The following KIF9 variants were observed in gnomAD, a reference collection of about 807,000 sequenced individuals.
The protein encoded by KIF9 is kinesin family member 9, also known as kinesin-like protein KIF9.
A neutral mutation model predicts 94.8 loss-of-function variants in KIF9; 68 were observed. That is an observed-to-expected ratio of 0.72 (90% confidence interval 0.59 to 0.88). The LOEUF (loss-of-function observed/expected upper bound fraction) is 0.88. Ranked by LOEUF, KIF9 falls within the 40% of genes least tolerant of loss-of-function variation. The pLI is 0.00. For synonymous variants in KIF9, 343 were observed against 362.1 expected, an observed-to-expected ratio of 0.95 and a Z score of 0.60; for missense variants, 882 against 982.5, an observed-to-expected ratio of 0.90 and a Z score of 1.37.
chr3:47,276,503 C>T (rs1272328760), intron 2 of KIF9, among the ~76,000 whole-genome samples: 1 of 150,674 alleles, frequency 6.6e-6, no homozygotes, highest in Non-Finnish European at 1.5e-5. Flanking sequence ...TTGCAGTGAG[C>T]CAAGATTGTG....
intron 10 of KIF9, among the ~76,000 whole-genome samples, chr3:47,251,892 A>G (rs551580473): frequency 6.6e-6 from 1 of 152,220 alleles, no homozygotes; most frequent in Non-Finnish European, 1.5e-5. Flanking sequence ...TGGGAGGGTC[A>G]CTGCAGGTTA....
rs906090827 is a variant in KIF9 at position 47,273,562 on chromosome 3, G to A, written c.356C>T (p.Ala119Val). Residue 119 changes from alanine (A) to valine (V), a missense_variant, in exon 4 of 21, where the codon GCC becomes GTC. Coordinates refer to ENST00000684063, the MANE Select transcript of KIF9 (RefSeq NM_182902.4). The stretch of plus-strand genomic sequence containing the variant: ...GGGCCCACTCTCTACCTGCTGCAGG[G>A]CACGAGGGAGGATCCCCCGGTGCTT... ...NYKHRGILPR[A>V]LQQVFRMIEE... is the part of the protein sequence containing the mutation. 1.2e-6 allele frequency: 2 copies of A among 1,604,856 alleles called. No homozygotes were observed. The highest frequency in any genetic ancestry group is 1.7e-6 in the Non-Finnish European group (2 of 1,175,130).
rs757162512 is a variant in KIF9 at position 47,273,615 on chromosome 3, G to A, written c.303C>T (p.Tyr101=). 6.2e-7 allele frequency: 1 copy of A among 1,614,110 alleles called. No individual in the cohort carries two copies. The highest frequency in any genetic ancestry group is 8.5e-7 in the Non-Finnish European group (1 of 1,179,972). The part of the protein sequence containing the change: ...CYGQTGAGKT[Y]TMMGATENYK... Reference sequence around the variant, plus strand: ...AATTCTCAGTTGCCCCCATCATGGTGTATGTCTTGCCAGCTCCCGTCTGCC... The same window carrying A: ...AATTCTCAGTTGCCCCCATCATGGTATATGTCTTGCCAGCTCCCGTCTGCC... The change falls in exon 4 of 21, where the codon TAC becomes TAT. Residue 101 remains tyrosine, a synonymous_variant. Transcript: ENST00000684063.
intron 8 of KIF9, 88 bp from the exon 9 acceptor site, chr3:47,264,438 T>A (rs1701171793): frequency 1.9e-6 from 2 of 1,030,400 alleles, no homozygotes; most frequent in Middle Eastern, 2.1e-4. Context: ...TACTGAATGC[T>A]TTTTATTTGT....
In KIF9 at chr3:47,236,502, C is replaced by T; in HGVS notation, c.2042G>A (p.Arg681Lys). 1 of 1,613,996 alleles carries T rather than the reference C, an allele frequency of 6.2e-7. No homozygotes were observed. The highest frequency in any genetic ancestry group is 1.3e-5 in the African/African-American group (1 of 75,040). The change falls in exon 18 of 21, where the codon AGG becomes AAG. Residue 681 changes from arginine to lysine, a missense_variant. Physicochemically the swap from Arg to Lys is conservative, Grantham distance 26. Transcript: ENST00000684063. The stretch of plus-strand genomic sequence containing the variant: ...GTGCTGGCAATACTGGATCTCAGCC[C>T]TGAGGTCACGCAGGTCCTGGTACTC... ...RSEYQDLRDL[R>K]AEIQYCQHLV...
chr3:47,258,065 G>A (rs1700734760), intron 9 of KIF9, among the ~76,000 whole-genome samples: 1 of 152,140 alleles, frequency 6.6e-6, no homozygotes. Flanking sequence ...GTCTCGATCA[G>A]CCATGTCCAA....
chr3:47,279,898 G>A (rs1261110100), intron 1 of KIF9, among the ~76,000 whole-genome samples: 1 of 152,168 alleles, frequency 6.6e-6, no homozygotes, highest in Non-Finnish European at 1.5e-5. Context: ...AATTATCTAA[G>A]AGAGGTCCAA....
chr3:47,263,646 G>A, intron 9 of KIF9: 1 of 353,382 alleles, frequency 2.8e-6, no homozygotes, highest in Admixed American at 3.8e-5. Context: ...AGCCAGCTCA[G>A]TGCCCATCTT....
At chr3:47,241,923 G>T in intron 16 of KIF9, among the ~76,000 whole-genome samples, 3 of 133,314 alleles carry the variant, frequency 2.3e-5, no homozygotes, top group South Asian at 2.3e-4. Context: ...ATGCTCTGTT[G>T]CCCAGGATGG....
At chr3:47,242,984 CT>C (rs986905426) in intron 16 of KIF9, 66 bp downstream of exon 16, 3 of 1,292,656 alleles carry the variant, frequency 2.3e-6, no homozygotes, top group Admixed American at 2.0e-5. Context: ...TGCAGGTACT[CT>C]TCACATGTTG....
At chr3:47,230,702 G>A (rs1179529487) in intron 20 of KIF9, among the ~76,000 whole-genome samples, 1 of 150,582 alleles carries the variant, frequency 6.6e-6, no homozygotes, top group Non-Finnish European at 1.5e-5. Flanking sequence ...TTGCACTCCA[G>A]CCTAGGTGAC....
intron 10 of KIF9, among the ~76,000 whole-genome samples, chr3:47,255,690 T>A (rs1303257415): frequency 6.6e-6 from 1 of 151,918 alleles, no homozygotes; most frequent in Non-Finnish European, 1.5e-5. Flanking sequence ...ATGCCCTTTT[T>A]CTTTTCTTTC....
chr3:47,271,391 T>C lies in KIF9; in HGVS notation c.437A>G (p.Asn146Ser). ...GGACAGGAGATCAAACAGGCTCTCA[T>C]TATAGATTTCCAAGTAGGAAACACG... ...TVRVSYLEIY[N>S]ESLFDLLSTL... The change falls in exon 5 of 21, where the codon AAT (asparagine) becomes AGT (serine). Residue 146 changes from asparagine to serine, a missense_variant. Physicochemically the swap from Asn to Ser is conservative, Grantham distance 46. Coordinates refer to ENST00000684063, the MANE Select transcript of KIF9 (RefSeq NM_182902.4). 3.7e-6 allele frequency: 6 copies of C among 1,613,910 alleles called. No individual in the cohort carries two copies. The highest frequency in any genetic ancestry group is 5.1e-6 in the Non-Finnish European group (6 of 1,179,942).
chr3:47,259,531 A>G (rs1163845308), intron 9 of KIF9, among the ~76,000 whole-genome samples: 1 of 152,168 alleles, frequency 6.6e-6, no homozygotes, highest in African/African-American at 2.4e-5. Context: ...ATGGGTAGGT[A>G]AGTGTGGGGA....
At chr3:47,242,872 C>T in intron 16 of KIF9, 179 bp downstream of exon 16, 1 of 493,276 alleles carries the variant, frequency 2.0e-6, no homozygotes, top group Non-Finnish European at 3.6e-6. Flanking sequence ...TTGGATGACT[C>T]CTGAGGTTGG....
At chr3:47,251,835 G>A (rs1700291101) in intron 10 of KIF9, among the ~76,000 whole-genome samples, 1 of 152,096 alleles carries the variant, frequency 6.6e-6, no homozygotes, top group African/African-American at 2.4e-5. Context: ...TTATGCCTGA[G>A]GCTCACAGCC....
chr3:47,247,420 T>G lies in KIF9; in HGVS notation c.1186A>C (p.Asn396His). 6.2e-7 allele frequency: 1 copy of G among 1,613,928 alleles called. No individual in the cohort carries two copies. ...TCCAGGTACCTCCGCACCTGGGAGT[T>G]GATCTCAGCAATCTGGATTTCATCC... is the stretch of plus-strand genomic sequence containing the variant. Reference protein sequence around the residue: ...PMDEIQIAEINSQVRRYLEGT... With the variant: ...PMDEIQIAEIHSQVRRYLEGT... Residue 396 changes from asparagine to histidine, a missense_variant, in exon 12 of 21, where the codon AAC (asparagine) becomes CAC (histidine). Physicochemically the swap from Asn to His is moderately conservative, Grantham distance 68. Transcript: ENST00000684063.
chr3:47,239,284 T>A (rs577072513), intron 17 of KIF9, among the ~76,000 whole-genome samples: 1 of 152,356 alleles, frequency 6.6e-6, no homozygotes, highest in South Asian at 2.1e-4. Context: ...GTAAATGATA[T>A]GCCAGCATAC....
chr3:47,261,016 G>A (rs1700936995), intron 9 of KIF9, among the ~76,000 whole-genome samples: 1 of 152,190 alleles, frequency 6.6e-6, no homozygotes, highest in Admixed American at 6.5e-5. Flanking sequence ...TCATGGGCCT[G>A]GGGAATCAGT....
Sources: allele counts gnomAD v4.1 joint callset (sites outside exome capture counted in the v4.1 genomes callset), GRCh38; gene constraint gnomAD v4.1.1; transcripts MANE v1.5; gene names NCBI Gene and HGNC (gene_info 2026-07-23, HGNC 2026-07-21).